Variants in CNOT1 observed in about 807,000 individuals in gnomAD.
CNOT1 encodes the protein CCR4-associated factor 1.
Under a neutral mutation model 273.8 loss-of-function variants are expected in CNOT1, and 15 were observed. The observed-to-expected ratio is 0.05, with a 90% CI of 0.04 to 0.08. The LOEUF is 0.08. Among genes scored for constraint, CNOT1 ranks in the 10% least tolerant of loss-of-function variants. The probability of loss-of-function intolerance (pLI) is 1.00; values close to 1 mark genes in which losing one functional copy is unlikely to be tolerated. For missense variants in CNOT1, 1,644 were observed against 2,912.2 expected (o/e 0.56, Z 10.02); for synonymous variants, 1,022 against 1,005.5 (o/e 1.02, Z -0.31).
intron 28 of CNOT1, 78 bp from the exon 29 acceptor site, chr16:58,546,576 A>G: frequency 6.2e-7 from 1 of 1,604,764 alleles, no homozygotes; most frequent in Non-Finnish European, 8.5e-7. Context: ...ACTTTCAGTT[A>G]TTATAGTACT....
intron 25 of CNOT1, among the ~76,000 whole-genome samples, chr16:58,548,010 A>C (rs555628813): frequency 6.6e-6 from 1 of 152,338 alleles, no homozygotes; most frequent in Non-Finnish European, 1.5e-5. Flanking sequence ...AACCTTAGCT[A>C]GGTTTAAAGC....
chr16:58,562,441 C>T (rs1020618338), intron 16 of CNOT1, among the ~76,000 whole-genome samples: 2 of 147,984 alleles, frequency 1.4e-5, no homozygotes, highest in Admixed American at 6.7e-5. Flanking sequence ...GATTTCAAGG[C>T]TGTAGTGAGC....
intron 42 of CNOT1, among the ~76,000 whole-genome samples, chr16:58,530,882 A>G (rs1483380936): frequency 6.6e-6 from 1 of 152,242 alleles, no homozygotes; most frequent in African/African-American, 2.4e-5. Flanking sequence ...TTTGAAAAAA[A>G]CTGGCTCCAG....
intron 1 of CNOT1, among the ~76,000 whole-genome samples, chr16:58,604,988 T>C (rs190575608): frequency 2.5e-3 from 380 of 151,332 alleles, no homozygotes; most frequent in South Asian, 8.8e-3. Flanking sequence ...TACAAAAAAG[T>C]AGCTGGGCGT....
intron 16 of CNOT1, among the ~76,000 whole-genome samples, chr16:58,573,583 C>T (rs1229769302): frequency 6.7e-6 from 1 of 149,740 alleles, no homozygotes; most frequent in Non-Finnish European, 1.5e-5. Flanking sequence ...TGGGTTCACA[C>T]TATTCTCCTG....
intron 16 of CNOT1, among the ~76,000 whole-genome samples, chr16:58,564,889 T>C (rs934935404): frequency 7.9e-5 from 12 of 151,986 alleles, no homozygotes; most frequent in African/African-American, 2.4e-4. Context: ...TGAGCGAAGA[T>C]TGTGCCATTA....
chr16:58,537,312 C>G, intron 38 of CNOT1, 92 bp from the exon 39 acceptor site: 1 of 1,491,520 alleles, frequency 6.7e-7, no homozygotes, highest in South Asian at 1.4e-5. Context: ...TAACAGCAAC[C>G]ACCAGAGTGG....
chr16:58,581,637 G>T, intron 10 of CNOT1, 122 bp from the exon 11 acceptor site: 3 of 1,374,382 alleles, frequency 2.2e-6, no homozygotes, highest in East Asian at 2.7e-5. Context: ...TTTTTAATGT[G>T]AATTTTAAGA....
intron 16 of CNOT1, among the ~76,000 whole-genome samples, chr16:58,562,806 G>A (rs1307428412): frequency 2.0e-5 from 3 of 152,094 alleles, no homozygotes; most frequent in Non-Finnish European, 4.4e-5. Flanking sequence ...CTGGGTGACA[G>A]TGCGAGACTC....
chr16:58,562,002 A>G (rs1225648271), intron 16 of CNOT1, among the ~76,000 whole-genome samples: 1 of 151,956 alleles, frequency 6.6e-6, no homozygotes, highest in Non-Finnish European at 1.5e-5. Flanking sequence ...GAAGCTCAAG[A>G]CCAGCCTGGC....
At position 58,580,667 on chromosome 16, in the gene CNOT1, G is replaced by C. The variant is rs766227319; in HGVS notation, c.1309C>G (p.Pro437Ala). The C allele has an allele frequency of 1.2e-5, 19 of 1,613,102 alleles. No homozygotes were observed. The highest frequency in any genetic ancestry group is 1.6e-5 in the Non-Finnish European group (19 of 1,179,594). ...ATTTCTCGATTGTCATCCTCTGGTG[G>C]TGCTTTCAGAATATCAGTGGCAACA... is the stretch of plus-strand genomic sequence containing the variant. ...HTVATDILKA[P>A]PEDDNREIAT... Residue 437 changes from proline (P) to alanine (A), a missense_variant, in exon 12 of 49, where the codon CCA (proline) becomes GCA (alanine). Physicochemically the swap from Pro to Ala is conservative, Grantham distance 27. Coordinates refer to ENST00000317147, the MANE Select transcript of CNOT1 (RefSeq NM_016284.5).
intron 1 of CNOT1, among the ~76,000 whole-genome samples, chr16:58,608,335 A>T (rs1231549075): frequency 6.6e-6 from 1 of 151,962 alleles, no homozygotes; most frequent in African/African-American, 2.4e-5. Context: ...AAGGCAGATA[A>T]CTTTAGGTCA....
At chr16:58,575,906 C>T (rs1016177542) in intron 14 of CNOT1, among the ~76,000 whole-genome samples, 13 of 152,128 alleles carry the variant, frequency 8.5e-5, no homozygotes, top group Non-Finnish European at 1.6e-4. Context: ...TCTAACATAA[C>T]TTATGAGAAA....
intron 1 of CNOT1, among the ~76,000 whole-genome samples, chr16:58,621,017 CTTTT>C (rs34890706): frequency 1.3e-5 from 2 of 150,614 alleles, no homozygotes; most frequent in Admixed American, 6.6e-5. Flanking sequence ...AAAAAGATAA[CTTTT>C]TTTTTTTCTT....
In CNOT1 at chr16:58,576,118, C is replaced by CT. The variant is rs1488277591; in HGVS notation, c.1704+344dup. On this transcript the variant is annotated intron_variant, in intron 14 of 48. Transcript: ENST00000317147. ...AAGCATTTACTTTTTTTCCTTTTTT[C>CT]TTTTTTTTTTGAGATGGAGTCTCAC... Among the ~76,000 whole-genome samples the CT allele has an allele frequency of 2.5e-3, 370 of 147,772 alleles. 3 individuals carry two copies. Among genetic ancestry groups the CT allele is most frequent in the African/African-American group, 7.3e-3 (294 of 40,396 alleles).
intron 29 of CNOT1, 52 bp from the exon 30 acceptor site, chr16:58,545,543 T>TTA: frequency 6.2e-7 from 1 of 1,606,182 alleles, no homozygotes; most frequent in East Asian, 2.2e-5. Context: ...GTTGACTTTA[T>TTA]TATAAAATTA....
intron 1 of CNOT1, among the ~76,000 whole-genome samples, chr16:58,600,284 A>C (rs1437861374): frequency 1.1e-5 from 1 of 88,686 alleles, no homozygotes; most frequent in Non-Finnish European, 2.6e-5. Flanking sequence ...GTGAGCCGAG[A>C]TCATGCCACT....
intron 16 of CNOT1, among the ~76,000 whole-genome samples, chr16:58,569,388 C>T (rs557117942): frequency 5.9e-5 from 9 of 152,232 alleles, no homozygotes; most frequent in African/African-American, 2.2e-4. Context: ...TCCCAAAGTG[C>T]TGCTGGGATT....
chr16:58,561,195 T>C (rs1421315751), intron 16 of CNOT1, among the ~76,000 whole-genome samples: 3 of 152,182 alleles, frequency 2.0e-5, no homozygotes, highest in Non-Finnish European at 4.4e-5. Context: ...GAAGGAAAAC[T>C]TGCTGGAGCA....
Sources: allele counts gnomAD v4.1 joint callset (sites outside exome capture counted in the v4.1 genomes callset), GRCh38; gene constraint gnomAD v4.1.1; transcripts MANE v1.5; gene names NCBI Gene and HGNC (gene_info 2026-07-23, HGNC 2026-07-21).